Variants in OXCT1 observed in about 807,000 individuals in gnomAD.
OXCT1 encodes 3-oxoacid CoA-transferase 1.
A neutral mutation model predicts 69.6 loss-of-function variants in OXCT1; 27 were observed. The ratio of observed to expected loss-of-function variants is 0.39; its 90% CI spans 0.29 to 0.54. The LOEUF (loss-of-function observed/expected upper bound fraction) is 0.54. Ranked by LOEUF, OXCT1 falls within the 20% of genes least tolerant of loss-of-function variation. The pLI is 0.72. For missense variants in OXCT1, 437 were observed against 650.2 expected, an observed-to-expected ratio of 0.67 and a Z score of 3.57; for synonymous variants, 202 against 217.8, an observed-to-expected ratio of 0.93 and a Z score of 0.64.
At chr5:41,856,814 G>A (rs1257526691) in intron 3 of OXCT1, among the ~76,000 whole-genome samples, 1 of 152,180 alleles carries the variant, frequency 6.6e-6, no homozygotes, top group East Asian at 1.9e-4. Context: ...TGCCCGGCAA[G>A]TTAAGAATAC....
chr5:41,772,327 C>T (rs72746930), intron 13 of OXCT1, among the ~76,000 whole-genome samples: 8,634 of 150,622 alleles, frequency 0.057, 268 homozygotes, highest in African/African-American at 0.08. Context: ...GTAATTACAC[C>T]GCCATCACTG....
intron 3 of OXCT1, among the ~76,000 whole-genome samples, chr5:41,859,885 A>AC (rs1749647856): frequency 8.6e-6 from 1 of 116,316 alleles, no homozygotes; most frequent in Non-Finnish European, 1.9e-5. Flanking sequence ...ATATATATAT[A>AC]TGTAATATAT....
At chr5:41,862,964 GAT>G (rs1579907008) in intron 1 of OXCT1, among the ~76,000 whole-genome samples, 2 of 151,956 alleles carry the variant, frequency 1.3e-5, no homozygotes, top group East Asian at 1.9e-4. Flanking sequence ...TTTTTATATG[GAT>G]AGTAGACCCC....
At chr5:41,805,444 T>C (rs931444841) in intron 9 of OXCT1, 123 bp downstream of exon 9, 2 of 677,586 alleles carry the variant, frequency 3.0e-6, no homozygotes, top group Admixed American at 2.7e-5. Flanking sequence ...AAAAAATTGA[T>C]TAATTACCTT....
At position 41,840,513 on chromosome 5, in the gene OXCT1, T is replaced by C; in HGVS notation, c.672-2A>G. On this transcript the variant is annotated splice_acceptor_variant, in intron 6 of 16. Coordinates refer to ENST00000196371, the MANE Select transcript of OXCT1 (RefSeq NM_000436.4). LOFTEE classifies it high-confidence loss of function. ...AAGTTGAAATTCCTTGCACTTTTCCTACAGGGGTGGAGGAGATAAGAAAGT... is the reference window on the plus strand; with the variant it reads ...AAGTTGAAATTCCTTGCACTTTTCCCACAGGGGTGGAGGAGATAAGAAAGT... 1 of 1,610,640 alleles carries C rather than the reference T, an allele frequency of 6.2e-7. No homozygotes were observed. The highest frequency in any genetic ancestry group is 8.5e-7 in the Non-Finnish European group (1 of 1,177,190).
At chr5:41,826,007 T>A (rs1747791564) in intron 7 of OXCT1, among the ~76,000 whole-genome samples, 1 of 152,194 alleles carries the variant, frequency 6.6e-6, no homozygotes. Context: ...TAATGCTCCA[T>A]ATTTCAAATA....
At chr5:41,754,950 G>A (rs1476883826) in intron 14 of OXCT1, among the ~76,000 whole-genome samples, 3 of 151,990 alleles carry the variant, frequency 2.0e-5, no homozygotes, top group Non-Finnish European at 4.4e-5. Context: ...CTTATACACT[G>A]TATCATATAC....
At chr5:41,754,345 A>T (rs1335836466) in intron 14 of OXCT1, among the ~76,000 whole-genome samples, 2 of 152,054 alleles carry the variant, frequency 1.3e-5, no homozygotes, top group East Asian at 3.9e-4. Flanking sequence ...ACATACACAC[A>T]CAAATACAAT....
intron 6 of OXCT1, among the ~76,000 whole-genome samples, chr5:41,840,806 C>A (rs890030731): frequency 6.6e-6 from 1 of 152,158 alleles, no homozygotes; most frequent in Non-Finnish European, 1.5e-5. Context: ...ATTAATAAAT[C>A]TATCTTATTT....
chr5:41,790,958 T>C (rs1188324499), intron 13 of OXCT1, among the ~76,000 whole-genome samples: 3 of 152,180 alleles, frequency 2.0e-5, no homozygotes, highest in African/African-American at 7.2e-5. Context: ...TTAAGGTAAA[T>C]ATTTCCTCTT....
intron 4 of OXCT1, among the ~76,000 whole-genome samples, chr5:41,851,402 C>CA (rs1316609711): frequency 2.0e-5 from 3 of 152,094 alleles, no homozygotes; most frequent in Non-Finnish European, 4.4e-5. Flanking sequence ...GTAACATTTA[C>CA]AAAAAATTAA....
At chr5:41,823,701 T>C (rs1372647919) in intron 7 of OXCT1, among the ~76,000 whole-genome samples, 1 of 152,224 alleles carries the variant, frequency 6.6e-6, no homozygotes, top group Non-Finnish European at 1.5e-5. Flanking sequence ...AGGCCTGAAA[T>C]TGGAAGTGGC....
rs1395695490 is a variant in OXCT1 at position 41,791,688 on chromosome 5, A to G, written c.1248+2315T>C. The stretch of plus-strand genomic sequence containing the variant: ...AGGACCACTGAGCAAATTGATTTCA[A>G]AAATCATTAGTCTAGAGAAATAGAT... On this transcript the variant is annotated intron_variant, in intron 13 of 16. Transcript: ENST00000196371. Among the ~76,000 whole-genome samples, 8 of 152,372 alleles carry G rather than the reference A, an allele frequency of 5.3e-5. No individual in the cohort carries two copies. The South Asian group carries it at 1.7e-3, about 32-fold the overall frequency.
rs367645938 is a variant in OXCT1 at position 41,758,880 on chromosome 5, TG to T, written c.1338+3230del. Among the ~76,000 whole-genome samples, 15 of 152,138 alleles carry T rather than the reference TG, an allele frequency of 9.9e-5. 1 individual carries two copies. The highest frequency in any genetic ancestry group is 3.4e-4 in the African/African-American group (14 of 41,534). On this transcript the variant is annotated intron_variant, in intron 14 of 16. Transcript: ENST00000196371. Reference sequence around the variant, plus strand: ...TCCCACTGACCCAAACTTGGTAGCATGGATGTATCTATGCACAGGAAGGCTA... The same window carrying T: ...TCCCACTGACCCAAACTTGGTAGCATGATGTATCTATGCACAGGAAGGCTA...
chr5:41,845,478 C>G, intron 5 of OXCT1, among the ~76,000 whole-genome samples: 1 of 151,862 alleles, frequency 6.6e-6, no homozygotes, highest in Middle Eastern at 3.2e-3. Context: ...ATCATTTTAC[C>G]ACAGTGCTTA....
chr5:41,808,923 AG>A (rs1347945483), intron 7 of OXCT1, among the ~76,000 whole-genome samples: 6 of 152,064 alleles, frequency 3.9e-5, no homozygotes, highest in African/African-American at 1.4e-4. Context: ...CAGTATCCTG[AG>A]GATAGACATG....
rs115804200 is a variant in OXCT1 at position 41,790,676 on chromosome 5, T to C, written c.1248+3327A>G. On this transcript the variant is annotated intron_variant, in intron 13 of 16. Transcript: ENST00000196371. ...GAAAAAGATAAAAGTAAATGAAAAA[T>C]AATATAATAAAGCTGAATTTTTCAG... is the stretch of plus-strand genomic sequence containing the variant. Among the ~76,000 whole-genome samples, 441 of 152,164 alleles carry C rather than the reference T, an allele frequency of 2.9e-3. 2 individuals carry two copies. Among genetic ancestry groups the C allele is most frequent in the African/African-American group, 0.01 (422 of 41,506 alleles).
chr5:41,831,604 T>C (rs558089473), intron 7 of OXCT1, among the ~76,000 whole-genome samples: 3 of 152,298 alleles, frequency 2.0e-5, no homozygotes, highest in Admixed American at 6.5e-5. Context: ...CCTAGTACAC[T>C]AGAATTTGAG....
chr5:41,817,206 A>C (rs574356161), intron 7 of OXCT1, among the ~76,000 whole-genome samples: 3 of 152,256 alleles, frequency 2.0e-5, no homozygotes, highest in African/African-American at 7.2e-5. Flanking sequence ...TTCTAATGCC[A>C]TGTATTTCAC....
Sources: allele counts gnomAD v4.1 joint callset (sites outside exome capture counted in the v4.1 genomes callset), GRCh38; gene constraint gnomAD v4.1.1; transcripts MANE v1.5; gene names NCBI Gene and HGNC (gene_info 2026-07-23, HGNC 2026-07-21).